ZNF837: variants seen among roughly 807,000 people sequenced by gnomAD.
ZNF837 encodes the protein zinc finger protein 837.
For synonymous variants in ZNF837, 475 were observed against 365.2 expected (o/e 1.30, Z -3.43); for missense variants, 955 against 801.7 (o/e 1.19, Z -2.31).
chr19:58,380,743 G>A (rs1242878695), intron 1 of ZNF837, among the ~76,000 whole-genome samples, 198 bp downstream of exon 1: 1 of 152,212 alleles, frequency 6.6e-6, no homozygotes, highest in East Asian at 1.9e-4. Context: ...AGCCCGTCCC[G>A]CCCGGAACTC....
rs1214254485 is a variant in ZNF837 at position 58,369,141 on chromosome 19, GC to G, written c.191del (p.Gly64AlafsTer9). The stretch of plus-strand genomic sequence containing the variant: ...TCACCCCGAGGCTGCAGCCCCGGGA[GC>G]CCCCGCCTGGGGGAGTCGTCCTACC... ...AGGRTTPPGG[G>X]SRGCSLGVSP... On this transcript the variant is annotated frameshift_variant, in exon 3 of 3. Transcript: ENST00000597582. LOFTEE classifies it low-confidence loss of function (END_TRUNC). 6.9e-7 allele frequency: 1 copy of G among 1,456,326 alleles called. No homozygotes were observed. The allele number at this position is 1,456,326 out of a possible 1,614,324, so 90.2% of individuals were successfully genotyped here.
At chr19:58,371,666 C>G (rs2052203224) in intron 1 of ZNF837, among the ~76,000 whole-genome samples, 1 of 152,158 alleles carries the variant, frequency 6.6e-6, no homozygotes, top group African/African-American at 2.4e-5. Context: ...GATTCTTCTC[C>G]TTTTGTCCTG....
rs1201720482 is a variant in ZNF837, at chr19:58,368,906, G to A, written c.427C>T (p.Pro143Ser). ...HRGAPAGETP[P>S]VCDPCPERIQ... is the part of the protein sequence containing the mutation. ...CGCTCCGGACAGGGGTCACACACGG[G>A]TGGCGTCTCCCCAGCGGGCGCCCCG... The change falls in exon 3 of 3, where the codon CCC (proline) becomes TCC (serine). Residue 143 changes from proline (P) to serine (S), a missense_variant. Coordinates refer to ENST00000597582, the MANE Select transcript of ZNF837 (RefSeq NM_138466.2). 1 of 1,547,964 alleles carries A rather than the reference G, an allele frequency of 6.5e-7. No homozygotes were observed. Among genetic ancestry groups the A allele is most frequent in the African/African-American group, 1.4e-5 (1 of 73,032 alleles).
rs1050551418 is a variant in ZNF837 at position 58,370,954 on chromosome 19, G to C, written c.-139-1026C>G. 6.1e-5 allele frequency among the ~76,000 whole-genome samples: 9 copies of C among 148,074 alleles called. 1 individual carries two copies. In the South Asian group the frequency reaches 1.3e-3, roughly 21 times the overall value. ...AGGGAGGGAGGGGTGAAGGCCGGGG[G>C]GGGGGAGCCGGGCGCGGTGGCTCAC... On this transcript the variant is annotated intron_variant, in intron 1 of 2. Coordinates refer to ENST00000597582, the MANE Select transcript of ZNF837 (RefSeq NM_138466.2).
In ZNF837 at chr19:58,368,303, AG is replaced by A. The variant is rs1568564816; in HGVS notation, c.1029del (p.Cys344AlafsTer63). On this transcript the variant is annotated frameshift_variant, in exon 3 of 3. Transcript: ENST00000597582. LOFTEE classifies it low-confidence loss of function (END_TRUNC). ...ARRAFRLGCPPCGDYSERSPR... is the reference protein window; with the variant it reads ...ARRAFRLGCPXCGDYSERSPR... ...GGACTCCGCTCGCTGTAGTCCCCGC[AG>A]GGCGGGCACCCCAGCCGGAAGGCGC... 4 of 1,485,018 alleles carry A rather than the reference AG, an allele frequency of 2.7e-6. No homozygotes were observed. Among genetic ancestry groups the A allele is most frequent in the African/African-American group, 1.4e-5 (1 of 70,068 alleles). 92.0% of individuals were successfully genotyped at this position (1,485,018 alleles called of 1,614,324 possible).
Position 58,368,685 on chromosome 19 carries a change from C to G in ZNF837, c.648G>C (p.Glu216Asp). The G allele has an allele frequency of 1.3e-6, 2 of 1,533,138 alleles. No individual in the cohort carries two copies. The highest frequency in any genetic ancestry group is 1.7e-6 in the Non-Finnish European group (2 of 1,144,690). The allele number at this position is 1,533,138 out of a possible 1,614,324, so 95.0% of individuals were successfully genotyped here. A position where few individuals can be genotyped will look rare whatever the true frequency, so the allele number is the denominator to read the frequency against. ...FAWRALRIPQ[E>D]RLQATEEPRP... ...GGGGCTCCTCCGTCGCCTGCAGCCT[C>G]TCCTGGGGGATCCGCAGGGCCCTCC... Residue 216 changes from glutamate to aspartate, a missense_variant, in exon 3 of 3, where the codon GAG becomes GAC. Physicochemically the swap from Glu to Asp is conservative, Grantham distance 45 (BLOSUM62 2). Transcript: ENST00000597582.
chr19:58,374,982 G>A (rs1296719966), intron 1 of ZNF837, among the ~76,000 whole-genome samples: 4 of 149,776 alleles, frequency 2.7e-5, no homozygotes, highest in Admixed American at 6.7e-5. Flanking sequence ...AACATGGCCG[G>A]GCACAGTGGC....
chr19:58,367,794 G>T lies in ZNF837; in HGVS notation c.1539C>A (p.Ser513Arg). 6.5e-7 allele frequency: 1 copy of T among 1,536,242 alleles called. No individual in the cohort carries two copies. Among genetic ancestry groups the T allele is most frequent in the Non-Finnish European group, 8.7e-7 (1 of 1,145,938 alleles). The change falls in exon 3 of 3, where the codon AGC becomes AGA. Residue 513 changes from serine to arginine, a missense_variant. Coordinates refer to ENST00000597582, the MANE Select transcript of ZNF837 (RefSeq NM_138466.2). ...GGTGCTCGTTGAGGTTGGAGCGTTG[G>T]CTGAAGGCGCGGCCGCAATCTCCGC... ...YACGDCGRAF[S>R]QRSNLNEHRK...
chr19:58,372,848 G>A (rs981237415), intron 1 of ZNF837, among the ~76,000 whole-genome samples: 1 of 152,218 alleles, frequency 6.6e-6, no homozygotes, highest in Non-Finnish European at 1.5e-5. Context: ...AAGTTCTGCA[G>A]GTCACGAAAG....
intron 1 of ZNF837, among the ~76,000 whole-genome samples, chr19:58,376,043 C>T (rs1476519656): frequency 6.6e-6 from 1 of 151,760 alleles, no homozygotes; most frequent in African/African-American, 2.4e-5. Context: ...CTCAGCCTGG[C>T]GAGTAGCTGG....
chr19:58,369,424 G>A lies in ZNF837; in HGVS notation c.-29-63C>T. 2.3e-6 allele frequency: 3 copies of A among 1,286,146 alleles called. No homozygotes were observed. The South Asian group carries it at 7.8e-5, about 33-fold the overall frequency. 79.7% of individuals were successfully genotyped at this position (1,286,146 alleles called of 1,614,324 possible). On this transcript the variant is annotated intron_variant, in intron 2 of 2. Transcript: ENST00000597582. ...CAGGAGGAGAGAAGTGGAGAACTGG[G>A]CCAACGAGCGACCACCCCACAGCTG... is the stretch of plus-strand genomic sequence containing the variant.
At position 58,368,223 on chromosome 19, in the gene ZNF837, C is replaced by G. The variant is rs990384643; in HGVS notation, c.1110G>C (p.Lys370Asn). Reference protein sequence around the residue: ...EKPYECADCAKAFGLFSHLVE... With the variant: ...EKPYECADCANAFGLFSHLVE... ...CGAGGTGCGAGAACAGCCCGAAGGC[C>G]TTGGCGCAGTCGGCGCACTCGTACG... Residue 370 changes from lysine to asparagine, a missense_variant, in exon 3 of 3, where the codon AAG (lysine) becomes AAC (asparagine). Coordinates refer to ENST00000597582, the MANE Select transcript of ZNF837 (RefSeq NM_138466.2). 7 of 1,531,212 alleles carry G rather than the reference C, an allele frequency of 4.6e-6. No individual in the cohort carries two copies. In the African/African-American group the frequency reaches 9.7e-5, roughly 21 times the overall value. 94.9% of individuals were successfully genotyped at this position (1,531,212 alleles called of 1,614,324 possible).
Position 58,369,231 on chromosome 19 carries a change from G to T in ZNF837, c.102C>A (p.Pro34=). 1 of 1,429,668 alleles carries T rather than the reference G, an allele frequency of 7.0e-7. No individual in the cohort carries two copies. 88.6% of individuals were successfully genotyped at this position (1,429,668 alleles called of 1,614,324 possible). ...GGCTCCCAGCTCGGTCCTCTTCGAG[G>T]GGCCTCGGCTCCTCGGGCCTCTTCT... The part of the protein sequence containing the change: ...AREKRPEEPR[P]LEEDRAGSRP... Residue 34 remains proline (P), a synonymous_variant, in exon 3 of 3, where the codon CCC becomes CCA. Coordinates refer to ENST00000597582, the MANE Select transcript of ZNF837 (RefSeq NM_138466.2).
At chr19:58,370,766 G>A (rs375105638) in intron 1 of ZNF837, among the ~76,000 whole-genome samples, 35 of 151,840 alleles carry the variant, frequency 2.3e-4, no homozygotes, top group African/African-American at 7.0e-4. Flanking sequence ...ATGGTGGTGC[G>A]TGCCTGTAAT....
chr19:58,375,255 CA>C (rs10717720), intron 1 of ZNF837, among the ~76,000 whole-genome samples: 47,335 of 55,424 alleles, frequency 0.85, 19,824 homozygotes, highest in East Asian at 0.91. Flanking sequence ...GAATCTGTCT[CA>C]AAAAAAAAAA....
chr19:58,368,753 C>G lies in ZNF837; in HGVS notation c.580G>C (p.Val194Leu). The change falls in exon 3 of 3, where the codon GTG becomes CTG. Residue 194 changes from valine to leucine, a missense_variant. Physicochemically the swap from Val to Leu is conservative, Grantham distance 32. Coordinates refer to ENST00000597582, the MANE Select transcript of ZNF837 (RefSeq NM_138466.2). ...CACGCGCAAGCCCGGGGCTGCTCCACCAAGGGGTTCCTCCCGCGGGAGGTC... is the reference window on the plus strand; with the variant it reads ...CACGCGCAAGCCCGGGGCTGCTCCAGCAAGGGGTTCCTCCCGCGGGAGGTC... Reference protein sequence around the residue: ...KPTSRGRNPLVEQPRACACGE... With the variant: ...KPTSRGRNPLLEQPRACACGE... 6.5e-7 allele frequency: 1 copy of G among 1,540,138 alleles called. No individual in the cohort carries two copies. The highest frequency in any genetic ancestry group is 1.8e-4 in the Middle Eastern group (1 of 5,576).
chr19:58,370,844 G>A (rs565155294), intron 1 of ZNF837, among the ~76,000 whole-genome samples: 26 of 150,948 alleles, frequency 1.7e-4, no homozygotes, highest in Admixed American at 6.0e-4. Flanking sequence ...GCAGTTAGCC[G>A]AGATCGCACC....
In ZNF837 at chr19:58,368,362, T is replaced by G. The variant is rs2052161267; in HGVS notation, c.971A>C (p.Glu324Ala). 6.5e-6 allele frequency: 10 copies of G among 1,528,998 alleles called. No individual in the cohort carries two copies. In the East Asian group the frequency reaches 2.5e-4, roughly 38 times the overall value. The allele number at this position is 1,528,998 out of a possible 1,614,324, so 94.7% of individuals were successfully genotyped here. A position where few individuals can be genotyped will look rare whatever the true frequency, so the allele number is the denominator to read the frequency against. Residue 324 changes from glutamate to alanine, a missense_variant, in exon 3 of 3, where the codon GAG becomes GCG. By Grantham distance (107) the Glu-to-Ala change is moderately radical (BLOSUM62 -1). Transcript: ENST00000597582. ...LYRHQKTHSA[E>A]RHRRGPVLAR... is the part of the protein sequence containing the mutation. The stretch of plus-strand genomic sequence containing the variant: ...CAGGACGGGGCCACGCCGGTGGCGC[T>G]CGGCCGAGTGCGTCTTCTGGTGGCG...
At chr19:58,372,923 G>A (rs1297984255) in intron 1 of ZNF837, among the ~76,000 whole-genome samples, 1 of 152,226 alleles carries the variant, frequency 6.6e-6, no homozygotes, top group Non-Finnish European at 1.5e-5. Flanking sequence ...CTGAGCTGGA[G>A]AGCAGAAAGG....
Sources: gnomAD v4.1 joint callset for allele counts (sites outside exome capture counted in the v4.1 genomes callset) on GRCh38, gnomAD v4.1.1 for gene constraint, MANE v1.5 for transcripts, NCBI Gene and HGNC (gene_info 2026-07-23, HGNC 2026-07-21) for gene names.